UNC5D: variants seen among roughly 807,000 people sequenced by gnomAD.
UNC5D encodes unc-5 netrin receptor D.
Under a neutral mutation model 105.4 loss-of-function variants are expected in UNC5D, and 39 were observed. That is an observed-to-expected ratio of 0.37 (90% confidence interval 0.29 to 0.48). The LOEUF (loss-of-function observed/expected upper bound fraction) is 0.48, where lower values mean the gene tolerates loss of function less well. Among genes scored for constraint, UNC5D ranks in the 20% least tolerant of loss-of-function variants. UNC5D has a pLI of 0.98. For missense variants in UNC5D, 991 were observed against 1,202.4 expected (o/e 0.82, Z 2.60); for synonymous variants, 452 against 450.4 (o/e 1.00, Z -0.04).
At chr8:35,312,530 T>C (rs1808972653) in intron 1 of UNC5D, among the ~76,000 whole-genome samples, 1 of 152,200 alleles carries the variant, frequency 6.6e-6, no homozygotes, top group Non-Finnish European at 1.5e-5. Flanking sequence ...TCTATGTGAC[T>C]AAGAATTATT....
At chr8:35,638,255 A>G (rs1006981346) in intron 4 of UNC5D, among the ~76,000 whole-genome samples, 46 of 152,200 alleles carry the variant, frequency 3.0e-4, no homozygotes, top group African/African-American at 1.1e-3. Context: ...ATGCTTTCAG[A>G]AGGAAGGTAA....
chr8:35,603,493 G>T (rs943775394), intron 4 of UNC5D, among the ~76,000 whole-genome samples: 35 of 152,174 alleles, frequency 2.3e-4, no homozygotes, highest in African/African-American at 8.4e-4. Flanking sequence ...TAGGTGTGGT[G>T]TGGTGCTGAA....
intron 1 of UNC5D, among the ~76,000 whole-genome samples, chr8:35,394,402 C>T (rs1450959206): frequency 6.6e-6 from 1 of 152,026 alleles, no homozygotes; most frequent in Non-Finnish European, 1.5e-5. Context: ...ATGATTTACT[C>T]TTCTGTGTGT....
chr8:35,504,884 G>A (rs187939531), intron 1 of UNC5D, among the ~76,000 whole-genome samples: 44 of 152,222 alleles, frequency 2.9e-4, no homozygotes, highest in African/African-American at 9.6e-4. Context: ...CTGTGTCCAC[G>A]TTCAAGTTTC....
At chr8:35,325,468 G>A (rs1678188334) in intron 1 of UNC5D, among the ~76,000 whole-genome samples, 1 of 152,156 alleles carries the variant, frequency 6.6e-6, no homozygotes, top group Non-Finnish European at 1.5e-5. Context: ...CAGTGAGGTG[G>A]AGGTAAAAGG....
chr8:35,564,605 T>C (rs988847970), intron 2 of UNC5D, among the ~76,000 whole-genome samples: 3 of 152,150 alleles, frequency 2.0e-5, no homozygotes, highest in Non-Finnish European at 2.9e-5. Context: ...AACAAACAAA[T>C]AAATTAATGG....
chr8:35,291,962 C>T (rs1414634845), intron 1 of UNC5D, among the ~76,000 whole-genome samples: 7 of 152,142 alleles, frequency 4.6e-5, no homozygotes, highest in African/African-American at 7.2e-5. Flanking sequence ...AAAAAATATT[C>T]GTTATCCATG....
chr8:35,337,940 G>A (rs918845224), intron 1 of UNC5D, among the ~76,000 whole-genome samples: 1 of 152,180 alleles, frequency 6.6e-6, no homozygotes, highest in Non-Finnish European at 1.5e-5. Context: ...AATTTAATTT[G>A]CCTTTTGCTT....
intron 1 of UNC5D, among the ~76,000 whole-genome samples, chr8:35,258,210 A>G (rs546129652): frequency 6.6e-6 from 1 of 152,276 alleles, no homozygotes; most frequent in African/African-American, 2.4e-5. Flanking sequence ...AAAAAAAGGG[A>G]CACACTTGCT....
intron 1 of UNC5D, chr8:35,525,628 A>G: frequency 6.2e-7 from 1 of 1,613,446 alleles, no homozygotes; most frequent in Non-Finnish European, 8.5e-7. Flanking sequence ...TTTCCACTGG[A>G]AGAGGGACAT....
intron 1 of UNC5D, among the ~76,000 whole-genome samples, chr8:35,380,767 T>C (rs1319077994): frequency 6.6e-6 from 1 of 152,196 alleles, no homozygotes; most frequent in African/African-American, 2.4e-5. Context: ...TATGTCAATC[T>C]GTATATATTG....
chr8:35,489,590 C>T (rs1319772679), intron 1 of UNC5D, among the ~76,000 whole-genome samples: 1 of 152,148 alleles, frequency 6.6e-6, no homozygotes, highest in Non-Finnish European at 1.5e-5. Context: ...TTTGCCAATA[C>T]CTTGATCTTG....
At chr8:35,739,403 C>A (rs1829640572) in intron 11 of UNC5D, among the ~76,000 whole-genome samples, 1 of 152,134 alleles carries the variant, frequency 6.6e-6, no homozygotes, top group African/African-American at 2.4e-5. Context: ...TGGAAAGAAG[C>A]ATTTCTCCTT....
rs554487963 is a variant in UNC5D, at chr8:35,543,439, A to G, written c.104-5853A>G. Among the ~76,000 whole-genome samples, 3 of 152,356 alleles carry G rather than the reference A, an allele frequency of 2.0e-5. No individual in the cohort carries two copies. In the South Asian group the frequency reaches 6.2e-4, roughly 32 times the overall value. ...CCCGGTGTGCCCAATTGCATTACAA[A>G]TACAACACATCAAATGATAAAATAT... On this transcript the variant is annotated intron_variant, in intron 1 of 16. Coordinates refer to ENST00000404895, the MANE Select transcript of UNC5D (RefSeq NM_080872.4).
intron 1 of UNC5D, chr8:35,254,342 A>G (rs1301055586): frequency 6.6e-6 from 1 of 152,192 alleles, no homozygotes; most frequent in Admixed American, 6.5e-5. Context: ...GATTAGATGC[A>G]ATGCCCAGTT....
chr8:35,533,128 T>G (rs1814533041), intron 1 of UNC5D, among the ~76,000 whole-genome samples: 1 of 151,972 alleles, frequency 6.6e-6, no homozygotes, highest in Admixed American at 6.6e-5. Flanking sequence ...GCGCTCTGCA[T>G]TTTAGAGTTT....
intron 1 of UNC5D, among the ~76,000 whole-genome samples, chr8:35,536,083 T>C (rs1480411541): frequency 6.6e-6 from 1 of 152,324 alleles, no homozygotes; most frequent in East Asian, 1.9e-4. Context: ...ATAAAAAATA[T>C]CAGGAGGAAC....
chr8:35,587,838 T>G (rs1818885676), intron 3 of UNC5D, among the ~76,000 whole-genome samples: 1 of 151,560 alleles, frequency 6.6e-6, no homozygotes, highest in Admixed American at 6.6e-5. Context: ...TAATCCATAT[T>G]CATTACAGAA....
chr8:35,518,261 CT>C (rs1813236498), intron 1 of UNC5D, among the ~76,000 whole-genome samples: 1 of 152,158 alleles, frequency 6.6e-6, no homozygotes, highest in African/African-American at 2.4e-5. Context: ...TTTCACACCT[CT>C]TTCCACTTTC....
Sources: gnomAD v4.1 joint callset for allele counts (sites outside exome capture counted in the v4.1 genomes callset) on GRCh38, gnomAD v4.1.1 for gene constraint, MANE v1.5 for transcripts, NCBI Gene and HGNC (gene_info 2026-07-23, HGNC 2026-07-21) for gene names.